RERE: variants seen among roughly 807,000 people sequenced by gnomAD.
RERE encodes arginine-glutamic acid dipeptide repeats, also known as arginine-glutamic acid dipeptide repeats protein.
Under a neutral mutation model 146.1 loss-of-function variants are expected in RERE, and 40 were observed. That is an observed-to-expected ratio of 0.27 (90% confidence interval 0.21 to 0.36). The LOEUF is 0.36. Among genes scored for constraint, RERE ranks in the 10% least tolerant of loss-of-function variants. The pLI is 1.00. For missense variants in RERE, 1,933 were observed against 2,138.7 expected (o/e 0.90, Z 1.90); for synonymous variants, 1,003 against 866.0 (o/e 1.16, Z -2.78).
At chr1:8,601,565 T>G (rs915378285) in intron 4 of RERE, among the ~76,000 whole-genome samples, 28 of 150,892 alleles carry the variant, frequency 1.9e-4, no homozygotes, top group African/African-American at 6.8e-4. Context: ...TTCCCAAACA[T>G]CCTTCCATGA....
At chr1:8,559,280 C>T (rs1451393538) in intron 4 of RERE, among the ~76,000 whole-genome samples, 1 of 12,086 alleles carries the variant, frequency 8.3e-5, no homozygotes, top group East Asian at 7.2e-3. Flanking sequence ...AACTCCAGCT[C>T]AAAAAAAAAA....
chr1:8,481,377 G>A (rs1033946545), intron 10 of RERE, among the ~76,000 whole-genome samples: 1 of 152,124 alleles, frequency 6.6e-6, no homozygotes, highest in Non-Finnish European at 1.5e-5. Context: ...GCCTCCCAAA[G>A]TGCTGGGATT....
intron 4 of RERE, among the ~76,000 whole-genome samples, chr1:8,578,090 G>A (rs544821684): frequency 4.0e-5 from 6 of 151,604 alleles, no homozygotes; most frequent in East Asian, 1.9e-4. Context: ...GACTCCATCC[G>A]GGAAAGAAAA....
At chr1:8,373,701 A>G (rs957629219) in intron 12 of RERE, among the ~76,000 whole-genome samples, 2 of 152,234 alleles carry the variant, frequency 1.3e-5, no homozygotes, top group African/African-American at 4.8e-5. Context: ...GAGTGCAGTC[A>G]GGAACATTTC....
intron 10 of RERE, among the ~76,000 whole-genome samples, chr1:8,490,208 A>C (rs1255221580): frequency 6.8e-6 from 1 of 146,994 alleles, no homozygotes; most frequent in East Asian, 1.9e-4. Flanking sequence ...GAAAAATACA[A>C]AAAAATTAGC....
Position 8,492,594 on chromosome 1 carries a change from C to CA in RERE, c.1104+2468dup, listed in dbSNP as rs202041683. Among the ~76,000 whole-genome samples, 554 of 150,918 alleles carry CA rather than the reference C, an allele frequency of 3.7e-3. 3 individuals are homozygous for CA. The highest frequency in any genetic ancestry group is 0.013 in the African/African-American group (522 of 41,082). ...GCAACAAAGTAAGACGATGTCTCTA[C>CA]AAAAAAAATAAAACTTAAAAAAAGG... On this transcript the variant is annotated intron_variant, in intron 10 of 22. Coordinates refer to ENST00000400908, the MANE Select transcript of RERE (RefSeq NM_001042681.2).
intron 4 of RERE, among the ~76,000 whole-genome samples, chr1:8,592,302 G>C (rs189181346): frequency 1.6e-4 from 24 of 151,934 alleles, no homozygotes; most frequent in Non-Finnish European, 1.5e-4. Context: ...GTCTCTGTCT[G>C]TCACCCAGGC....
chr1:8,623,799 A>G (rs553166311), intron 3 of RERE, among the ~76,000 whole-genome samples: 1 of 152,236 alleles, frequency 6.6e-6, no homozygotes. Context: ...GAAAGAAAGT[A>G]TAACAACTTT....
intron 1 of RERE, chr1:8,753,883 C>A (rs1640586143): frequency 6.6e-6 from 1 of 152,200 alleles, no homozygotes. Flanking sequence ...GCTGGCAAAT[C>A]TTTAACTCTA....
intron 1 of RERE, among the ~76,000 whole-genome samples, chr1:8,723,111 C>A (rs1236223585): frequency 6.6e-6 from 1 of 152,144 alleles, no homozygotes. Flanking sequence ...ACACAGCTAT[C>A]AAATCCTGAA....
chr1:8,798,323 G>T (rs1225681708), intron 1 of RERE, among the ~76,000 whole-genome samples: 1 of 152,012 alleles, frequency 6.6e-6, no homozygotes, highest in African/African-American at 2.4e-5. Context: ...CTTGAACCTG[G>T]CTGGGGAACA....
In RERE at chr1:8,354,099, A is replaced by C. The variant is rs761248711; in HGVS notation, c.*988T>G. 1 of 152,510 alleles carries C rather than the reference A, an allele frequency of 6.6e-6. No individual in the cohort carries two copies. Among genetic ancestry groups the C allele is most frequent in the Non-Finnish European group, 1.5e-5 (1 of 68,044 alleles). The allele number at this position is 152,510 out of a possible 1,614,324, so 9.4% of individuals were successfully genotyped here. On this transcript the variant is annotated 3_prime_UTR_variant, in exon 23 of 23. Coordinates refer to ENST00000400908, the MANE Select transcript of RERE (RefSeq NM_001042681.2). ...CAAGTGTGTGTACACAGAAATCTAG[A>C]AGGAAATCTACAATGGACACAGGCC...
At chr1:8,714,035 T>C (rs1639718433) in intron 1 of RERE, among the ~76,000 whole-genome samples, 1 of 152,182 alleles carries the variant, frequency 6.6e-6, no homozygotes, top group South Asian at 2.1e-4. Context: ...AGGGTAGTGA[T>C]TGGAAAAATC....
At chr1:8,711,849 C>A (rs894861297) in intron 1 of RERE, among the ~76,000 whole-genome samples, 1 of 152,142 alleles carries the variant, frequency 6.6e-6, no homozygotes, top group African/African-American at 2.4e-5. Flanking sequence ...ATAATGTACA[C>A]AAATTCAAAA....
Position 8,363,818 on chromosome 1 carries a change from AAGCTAAG to A in RERE, c.1740+231_1740+237del, listed in dbSNP as rs1641691173. 1.2e-5 allele frequency: 7 copies of A among 569,552 alleles called. No homozygotes were observed. The South Asian group carries it at 1.5e-4, about 12-fold the overall frequency. 35.3% of individuals were successfully genotyped at this position (569,552 alleles called of 1,614,324 possible). ...CCTTGGAGAGCCTGCACTGAGCCAGAAGCTAAGAGCTTGCTACAAAACCCAGAGCAGG... is the reference window on the plus strand; with the variant it reads ...CCTTGGAGAGCCTGCACTGAGCCAGAAGCTTGCTACAAAACCCAGAGCAGG... On this transcript the variant is annotated intron_variant, in intron 15 of 22. Coordinates refer to ENST00000400908, the MANE Select transcript of RERE (RefSeq NM_001042681.2).
rs781199877 is a variant in RERE at position 8,359,778 on chromosome 1, C to T, written c.3604G>A (p.Ala1202Thr). ...REREREREREAERAAKASSSA... is the reference protein window; with the variant it reads ...RERERERERETERAAKASSSA... ...CCTGGACTCACAGCCGCCCGCTCTGCCTCGCGCTCCCGCTCTCGCTCCCGC... is the reference window on the plus strand; with the variant it reads ...CCTGGACTCACAGCCGCCCGCTCTGTCTCGCGCTCCCGCTCTCGCTCCCGC... The change falls in exon 19 of 23, where the codon GCA becomes ACA. Residue 1202 changes from alanine (A) to threonine (T), a missense_variant. Around this residue, in one of 11 missense-constraint regions of RERE, gnomAD observed 1,255 missense variants for 1,153.8 expected, o/e 1.09. Coordinates refer to ENST00000400908, the MANE Select transcript of RERE (RefSeq NM_001042681.2). 2 of 1,600,888 alleles carry T rather than the reference C, an allele frequency of 1.2e-6. No individual in the cohort carries two copies. The highest frequency in any genetic ancestry group is 1.7e-6 in the Non-Finnish European group (2 of 1,179,122).
intron 4 of RERE, among the ~76,000 whole-genome samples, chr1:8,603,422 G>A (rs2124150110): frequency 6.6e-6 from 1 of 152,294 alleles, no homozygotes; most frequent in African/African-American, 2.4e-5. Context: ...ACACAAACCA[G>A]GCACCATCCC....
intron 1 of RERE, among the ~76,000 whole-genome samples, chr1:8,790,069 T>C (rs772801091): frequency 4.6e-5 from 7 of 152,154 alleles, no homozygotes; most frequent in Non-Finnish European, 1.0e-4. Flanking sequence ...AACAGCAACA[T>C]TAAACTTGGA....
chr1:8,549,829 T>C (rs1409172445), intron 6 of RERE, among the ~76,000 whole-genome samples: 1 of 152,172 alleles, frequency 6.6e-6, no homozygotes, highest in Non-Finnish European at 1.5e-5. Context: ...CCAAAATGCC[T>C]AACTTCAGAA....
Sources: allele counts gnomAD v4.1 joint callset (sites outside exome capture counted in the v4.1 genomes callset), GRCh38; gene constraint gnomAD v4.1.1; regional missense constraint gnomAD v4.1.1; transcripts MANE v1.5; gene names NCBI Gene and HGNC (gene_info 2026-07-23, HGNC 2026-07-21).